The following IFRD1 variants were observed in gnomAD, a reference collection of about 807,000 sequenced individuals.
The protein encoded by IFRD1 is interferon related developmental regulator 1.
In IFRD1, 35 loss-of-function variants were observed where a neutral mutation model predicts 52.9. That is an observed-to-expected ratio of 0.66 (90% CI 0.51 to 0.88). The LOEUF (loss-of-function observed/expected upper bound fraction) is 0.88, where lower values mean the gene tolerates loss of function less well. Among genes scored for constraint, IFRD1 ranks in the 40% least tolerant of loss-of-function variants. The pLI is 0.00. For missense variants in IFRD1, 517 were observed against 550.8 expected (o/e 0.94, Z 0.61); for synonymous variants, 184 against 188.4 (o/e 0.98, Z 0.19).
In IFRD1 at chr7:112,452,242, A is replaced by G. The variant is rs145251626; in HGVS notation, c.94+1460A>G. The G allele has an allele frequency of 4.8e-4, 204 of 427,188 alleles. 1 individual carries two copies. The East Asian group carries it at 0.026, about 53-fold the overall frequency. 26.5% of individuals were successfully genotyped at this position (427,188 alleles called of 1,614,324 possible). A position where few individuals can be genotyped will look rare whatever the true frequency, so the allele number is the denominator to read the frequency against. On this transcript the variant is annotated intron_variant, in intron 1 of 11. Coordinates refer to ENST00000403825, the MANE Select transcript of IFRD1 (RefSeq NM_001550.4). ...TGTGGTGTGATCATAGCTCACTGCA[A>G]CCTCTTAACTCCTGGGCTCAAGCAG...
chr7:112,475,485 G>A lies in IFRD1; in HGVS notation c.1322G>A (p.Arg441Gln), dbSNP rs182917954. The change falls in exon 12 of 12, where the codon CGA (arginine) becomes CAA (glutamine). Residue 441 changes from arginine (R) to glutamine (Q), a missense_variant. Physicochemically the swap from Arg to Gln is conservative, Grantham distance 43. Transcript: ENST00000403825. ...CGAACCAAAGCTAGAAGCAAATGTC[G>A]AGATAAGAGAGCAGATGTTGGAGAA... is the stretch of plus-strand genomic sequence containing the variant. ...KARTKARSKC[R>Q]DKRADVGEFF 95 of 1,609,462 alleles carry A rather than the reference G, an allele frequency of 5.9e-5. No individual in the cohort carries two copies. Among genetic ancestry groups the A allele is most frequent in the South Asian group, 1.3e-4 (12 of 90,820 alleles).
chr7:112,424,758 A>G, intron 1 of IFRD1, among the ~76,000 whole-genome samples: 1 of 152,054 alleles, frequency 6.6e-6, no homozygotes, highest in East Asian at 1.9e-4. Context: ...TTCTTCATTG[A>G]CCCACTGGTA....
At chr7:112,467,901 A>T in intron 8 of IFRD1, 80 bp from the exon 9 acceptor site, 1 of 1,316,754 alleles carries the variant, frequency 7.6e-7, no homozygotes, top group South Asian at 1.2e-5. Flanking sequence ...TTCCAAATGT[A>T]GACTGTTCTT....
At chr7:112,428,371 G>A (rs572785498) in intron 1 of IFRD1, among the ~76,000 whole-genome samples, 2 of 152,238 alleles carry the variant, frequency 1.3e-5, no homozygotes, top group Admixed American at 6.5e-5. Flanking sequence ...TAGGTTTCTA[G>A]GAGGTAAACA....
intron 1 of IFRD1, among the ~76,000 whole-genome samples, chr7:112,431,904 T>C (rs561792154): frequency 2.0e-5 from 3 of 152,260 alleles, no homozygotes; most frequent in Non-Finnish European, 4.4e-5. Flanking sequence ...TACTTGTTCA[T>C]AAATATTTTG....
Position 112,437,438 on chromosome 7 carries a change from G to C in IFRD1, c.-181-13070G>C, listed in dbSNP as rs76410153. On this transcript the variant is annotated intron_variant, in intron 1 of 12. Transcript: ENST00000005558. Reference sequence around the variant, plus strand: ...CTTATTGGATGTATATCAATACCATGTGCCAGGCATGTGCTAAGTGCCAGC... The same window carrying C: ...CTTATTGGATGTATATCAATACCATCTGCCAGGCATGTGCTAAGTGCCAGC... Among the ~76,000 whole-genome samples, 307 of 152,180 alleles carry C rather than the reference G, an allele frequency of 2.0e-3. 3 individuals are homozygous for C. In the East Asian group the frequency reaches 0.045, roughly 22 times the overall value.
At chr7:112,462,234 G>A in intron 7 of IFRD1, 36 bp from the exon 8 acceptor site, 1 of 1,608,724 alleles carries the variant, frequency 6.2e-7, no homozygotes, top group Non-Finnish European at 8.5e-7. Flanking sequence ...GACATAATTG[G>A]TTGTATTCAC....
intron 1 of IFRD1, among the ~76,000 whole-genome samples, chr7:112,432,124 G>T (rs1331339921): frequency 6.6e-6 from 1 of 152,104 alleles, no homozygotes; most frequent in Non-Finnish European, 1.5e-5. Flanking sequence ...AATGCCCAAG[G>T]ACTTTACATA....
chr7:112,445,702 T>C (rs116073686), upstream of IFRD1, among the ~76,000 whole-genome samples: 2,536 of 152,332 alleles, frequency 0.017, 76 homozygotes, highest in African/African-American at 0.058. Flanking sequence ...GGTTGTTCCC[T>C]GCTGAAGAGA....
upstream of IFRD1, among the ~76,000 whole-genome samples, chr7:112,445,485 G>A (rs150090335): frequency 2.0e-5 from 3 of 152,284 alleles, no homozygotes; most frequent in South Asian, 2.1e-4. Flanking sequence ...TCTTTTCTGC[G>A]TAGGGTTGTT....
At chr7:112,457,276 A>C (rs1795319948) in intron 4 of IFRD1, 3 of 589,050 alleles carry the variant, frequency 5.1e-6, no homozygotes, top group Non-Finnish European at 9.0e-6. Context: ...GATTGTCATC[A>C]ACCTTTTTTG....
chr7:112,426,483 T>A (rs542985974), intron 1 of IFRD1, among the ~76,000 whole-genome samples: 1 of 152,372 alleles, frequency 6.6e-6, no homozygotes, highest in African/African-American at 2.4e-5. Context: ...TGGCTTATAA[T>A]TCCAGAGACT....
intron 8 of IFRD1, 130 bp from the exon 9 acceptor site, chr7:112,467,840 CTAGTCCCTAAA>C (rs1795649561): frequency 2.5e-6 from 2 of 799,962 alleles, no homozygotes; most frequent in Non-Finnish European, 4.2e-6. Flanking sequence ...TTATGTGTGC[CTAGTCCCTAAA>C]TACCATGAAG....
chr7:112,461,183 T>A (rs1275668432), intron 5 of IFRD1: 1 of 152,054 alleles, frequency 6.6e-6, no homozygotes, highest in Non-Finnish European at 1.5e-5. Context: ...ATTAATTAGG[T>A]GGGAAGTTTG....
intron 1 of IFRD1, among the ~76,000 whole-genome samples, chr7:112,426,354 ACTTGTC>A (rs1288164274): frequency 9.9e-5 from 15 of 152,170 alleles, no homozygotes; most frequent in Admixed American, 2.6e-4. Context: ...TAAGCTGACT[ACTTGTC>A]CTGTCATTTG....
chr7:112,463,873 CACACACACACACACACACACA>C (rs1158654471), intron 8 of IFRD1, among the ~76,000 whole-genome samples: 4 of 43,650 alleles, frequency 9.2e-5, no homozygotes, highest in Non-Finnish European at 1.6e-4. Flanking sequence ...CACACACACA[CACACACACACACACACACACA>C]CCCCACGTAT....
intron 9 of IFRD1, 141 bp downstream of exon 9, chr7:112,468,256 A>AAT: frequency 1.1e-6 from 1 of 873,014 alleles, no homozygotes; most frequent in Non-Finnish European, 1.8e-6. Flanking sequence ...GGTTTTTAAC[A>AAT]ATATAAGTGA....
chr7:112,448,420 C>T (rs1407478539), upstream of IFRD1, among the ~76,000 whole-genome samples: 1 of 152,178 alleles, frequency 6.6e-6, no homozygotes, highest in Non-Finnish European at 1.5e-5. Context: ...AGTGGCAAAA[C>T]TGTTGCCTTA....
At chr7:112,439,175 G>A (rs1794799170) in intron 1 of IFRD1, among the ~76,000 whole-genome samples, 1 of 152,184 alleles carries the variant, frequency 6.6e-6, no homozygotes, top group Non-Finnish European at 1.5e-5. Context: ...GGGTGTCCTT[G>A]GACAGAATTC....
Sources: gnomAD v4.1 joint callset for allele counts (sites outside exome capture counted in the v4.1 genomes callset) on GRCh38, gnomAD v4.1.1 for gene constraint, MANE v1.5 for transcripts, NCBI Gene and HGNC (gene_info 2026-07-23, HGNC 2026-07-21) for gene names.